The following C8orf34 variants were observed in gnomAD, a reference collection of about 807,000 sequenced individuals.
The protein encoded by C8orf34 is chromosome 8 open reading frame 34.
A neutral mutation model predicts 68.3 loss-of-function variants in C8orf34; 65 were observed. The observed-to-expected ratio is 0.95, with a 90% CI of 0.78 to 1.17. The LOEUF is 1.17. C8orf34 is among the 50% of genes most tolerant of loss of function. The pLI is 0.00. For missense variants in C8orf34, 664 were observed against 655.4 expected, an observed-to-expected ratio of 1.01 and a Z score of -0.14; for synonymous variants, 244 against 241.2, an observed-to-expected ratio of 1.01 and a Z score of -0.11.
At chr8:68,445,484 G>T (rs559105662) in intron 2 of C8orf34, among the ~76,000 whole-genome samples, 1 of 152,272 alleles carries the variant, frequency 6.6e-6, no homozygotes, top group African/African-American at 2.4e-5. Flanking sequence ...TGTAAAAGAA[G>T]TCAAGAGGGA....
chr8:68,815,645 T>C (rs1461222546), intron 12 of C8orf34, among the ~76,000 whole-genome samples: 1 of 152,182 alleles, frequency 6.6e-6, no homozygotes, highest in Admixed American at 6.6e-5. Flanking sequence ...CATTTTGCCT[T>C]ACATTTTATT....
chr8:68,535,933 A>T (rs1006452266), intron 7 of C8orf34: 1 of 869,892 alleles, frequency 1.1e-6, no homozygotes, highest in Admixed American at 6.2e-5. Context: ...CAAATATAAG[A>T]TATTTTCAAA....
intron 7 of C8orf34, among the ~76,000 whole-genome samples, chr8:68,544,499 C>T (rs1815805517): frequency 6.6e-6 from 1 of 152,156 alleles, no homozygotes. Flanking sequence ...CAAAACTCAA[C>T]ATCCTTTAGA....
intron 7 of C8orf34, among the ~76,000 whole-genome samples, chr8:68,618,650 G>T (rs1170241806): frequency 6.6e-6 from 1 of 152,078 alleles, no homozygotes; most frequent in African/African-American, 2.4e-5. Context: ...TTATAAGCAT[G>T]CACCACTCTA....
chr8:68,387,970 G>T (rs1808327966), intron 1 of C8orf34, among the ~76,000 whole-genome samples: 1 of 152,112 alleles, frequency 6.6e-6, no homozygotes, highest in African/African-American at 2.4e-5. Flanking sequence ...CTGCTGCTTA[G>T]GGAGCTACTT....
At chr8:68,625,980 G>C (rs1818527583) in intron 7 of C8orf34, among the ~76,000 whole-genome samples, 2 of 152,128 alleles carry the variant, frequency 1.3e-5, no homozygotes, top group South Asian at 4.1e-4. Flanking sequence ...GTTAAAATTT[G>C]CTTCATTAAG....
intron 10 of C8orf34, among the ~76,000 whole-genome samples, chr8:68,769,904 A>T (rs1165555980): frequency 1.3e-5 from 2 of 152,182 alleles, no homozygotes; most frequent in East Asian, 3.8e-4. Flanking sequence ...TTTGGTAAGG[A>T]TAGGCGTAGT....
Position 68,406,668 on chromosome 8 carries a change from A to G in C8orf34, c.328-32831A>G, listed in dbSNP as rs1160425010. Among the ~76,000 whole-genome samples, 5 of 151,854 alleles carry G rather than the reference A, an allele frequency of 3.3e-5. No homozygotes were observed. The East Asian group carries it at 9.8e-4, about 30-fold the overall frequency. On this transcript the variant is annotated intron_variant, in intron 1 of 13. Transcript: ENST00000518698. Reference sequence around the variant, plus strand: ...CGGCCACCACACCCAGGTAATTTTTATATTTTTAGTAGAGACAGGGTTTCG... The same window carrying G: ...CGGCCACCACACCCAGGTAATTTTTGTATTTTTAGTAGAGACAGGGTTTCG...
intron 7 of C8orf34, among the ~76,000 whole-genome samples, chr8:68,566,374 C>T (rs762996885): frequency 1.3e-5 from 2 of 152,166 alleles, no homozygotes; most frequent in Non-Finnish European, 2.9e-5. Context: ...CATAGGTTCT[C>T]ATCATTTAGC....
chr8:68,672,426 A>G (rs1377358200), intron 8 of C8orf34, among the ~76,000 whole-genome samples: 1 of 152,228 alleles, frequency 6.6e-6, no homozygotes, highest in African/African-American at 2.4e-5. Context: ...GGCAGTAGCC[A>G]TGTGGCACAA....
intron 1 of C8orf34, among the ~76,000 whole-genome samples, chr8:68,416,774 G>A (rs970965088): frequency 5.3e-5 from 8 of 151,992 alleles, no homozygotes; most frequent in African/African-American, 7.2e-5. Flanking sequence ...CACGTGACCC[G>A]CCCATCTCAG....
At chr8:68,391,999 A>T (rs1156697608) in intron 1 of C8orf34, among the ~76,000 whole-genome samples, 1 of 152,166 alleles carries the variant, frequency 6.6e-6, no homozygotes, top group Non-Finnish European at 1.5e-5. Context: ...TTGTTCATAC[A>T]ACTTTTCACT....
intron 1 of C8orf34, among the ~76,000 whole-genome samples, chr8:68,358,433 A>G (rs570646943): frequency 3.6e-4 from 54 of 151,452 alleles, no homozygotes; most frequent in Admixed American, 6.0e-4. Flanking sequence ...TATATACTAG[A>G]TAGACCCGCA....
intron 7 of C8orf34, among the ~76,000 whole-genome samples, chr8:68,593,455 A>G (rs553096842): frequency 1.3e-5 from 2 of 152,122 alleles, no homozygotes; most frequent in South Asian, 4.1e-4. Context: ...TCCATCTTTA[A>G]AACTTAGTCT....
At chr8:68,456,296 G>C (rs901219538) in intron 3 of C8orf34, among the ~76,000 whole-genome samples, 1 of 151,694 alleles carries the variant, frequency 6.6e-6, no homozygotes, top group African/African-American at 2.4e-5. Flanking sequence ...ACTTAAAATA[G>C]CTACTATATA....
chr8:68,436,222 GAAAAGA>G (rs1810660229), intron 1 of C8orf34, among the ~76,000 whole-genome samples: 1 of 151,838 alleles, frequency 6.6e-6, no homozygotes, highest in South Asian at 2.1e-4. Flanking sequence ...TCAAAAAAAA[GAAAAGA>G]AAAGAAAAAT....
At chr8:68,397,616 G>T (rs987957773) in intron 1 of C8orf34, among the ~76,000 whole-genome samples, 33 of 151,992 alleles carry the variant, frequency 2.2e-4, no homozygotes, top group African/African-American at 7.5e-4. Flanking sequence ...TACCAATCTT[G>T]GTTATTATAA....
intron 5 of C8orf34, among the ~76,000 whole-genome samples, chr8:68,510,360 C>T (rs1363090079): frequency 6.6e-6 from 1 of 152,152 alleles, no homozygotes; most frequent in African/African-American, 2.4e-5. Flanking sequence ...AAAAGGAAAC[C>T]TCTGAGGGAT....
At chr8:68,369,633 G>A (rs375859947) in intron 1 of C8orf34, among the ~76,000 whole-genome samples, 9 of 152,256 alleles carry the variant, frequency 5.9e-5, no homozygotes, top group Admixed American at 3.9e-4. Flanking sequence ...ATGGTTTGGT[G>A]AGCCACTTCA....
Sources: gnomAD v4.1 joint callset for allele counts (sites outside exome capture counted in the v4.1 genomes callset) on GRCh38, gnomAD v4.1.1 for gene constraint, MANE v1.5 for transcripts, NCBI Gene and HGNC (gene_info 2026-07-23, HGNC 2026-07-21) for gene names.